Variants in SUGCT observed in about 807,000 individuals in gnomAD.
SUGCT encodes the protein succinyl-CoA:glutarate CoA-transferase.
In SUGCT, 41 loss-of-function variants were observed where a neutral mutation model predicts 55.0. The ratio of observed to expected loss-of-function variants is 0.74; its 90% CI spans 0.58 to 0.97. The LOEUF (loss-of-function observed/expected upper bound fraction) is 0.97. SUGCT is among the 50% of genes least tolerant of loss of function. The pLI is 0.00. For missense variants in SUGCT, 568 were observed against 547.8 expected, an observed-to-expected ratio of 1.04 and a Z score of -0.37; for synonymous variants, 187 against 200.4, an observed-to-expected ratio of 0.93 and a Z score of 0.56.
Position 40,348,699 on chromosome 7 carries a change from CCTTTT to C in SUGCT, c.816+31848_816+31852del, listed in dbSNP as rs560957168. 2.4e-3 allele frequency among the ~76,000 whole-genome samples: 372 copies of C among 152,228 alleles called. 1 individual carries two copies. Among genetic ancestry groups the C allele is most frequent in the African/African-American group, 8.1e-3 (335 of 41,532 alleles). ...ATGCCTCATCAATGTTATTTTTGCT[CCTTTT>C]CTTCTTCCTCATTCTGGAAGAAGTT... On this transcript the variant is annotated intron_variant, in intron 9 of 13. Transcript: ENST00000335693.
chr7:40,600,619 A>G (rs950159777), intron 12 of SUGCT, among the ~76,000 whole-genome samples: 3 of 152,086 alleles, frequency 2.0e-5, no homozygotes, highest in African/African-American at 7.2e-5. Flanking sequence ...AGCCTCAAAT[A>G]CCTTTGGGAA....
At chr7:40,498,771 C>T (rs903813717) in intron 12 of SUGCT, among the ~76,000 whole-genome samples, 1 of 152,110 alleles carries the variant, frequency 6.6e-6, no homozygotes, top group Admixed American at 6.5e-5. Flanking sequence ...TGATGGTGCC[C>T]TTTAAGGTTA....
chr7:40,643,453 G>C (rs918685839), intron 12 of SUGCT, among the ~76,000 whole-genome samples: 2 of 152,174 alleles, frequency 1.3e-5, no homozygotes, highest in African/African-American at 4.8e-5. Flanking sequence ...GTTGCTTTTG[G>C]ATGGTGCTAG....
chr7:40,177,166 A>G (rs981307089), intron 1 of SUGCT, among the ~76,000 whole-genome samples: 9 of 152,002 alleles, frequency 5.9e-5, no homozygotes, highest in Admixed American at 3.3e-4. Flanking sequence ...CCCACAACCT[A>G]ATTTAGTAGG....
intron 12 of SUGCT, among the ~76,000 whole-genome samples, chr7:40,721,944 G>A (rs572468698): frequency 5.9e-5 from 9 of 152,114 alleles, no homozygotes; most frequent in South Asian, 4.1e-4. Flanking sequence ...GGAGATTTTC[G>A]TATTGCATCC....
rs2150730864 is a variant in SUGCT at position 40,188,498 on chromosome 7, C to A, written c.230C>A (p.Ala77Asp). 6.4e-7 allele frequency: 1 copy of A among 1,574,392 alleles called. No homozygotes were observed. The highest frequency in any genetic ancestry group is 8.7e-7 in the Non-Finnish European group (1 of 1,152,536). The change falls in exon 4 of 14, where the codon GCT becomes GAT. Residue 77 changes from alanine (A) to aspartate (D), a missense_variant. Ala to Asp is a moderately radical substitution (Grantham distance 126). Transcript: ENST00000335693. ...TAGCTCATGTTATTATTTTCAGGAG[C>A]TGGTGATGATACACGAACTTGGGGG... ...AEVIKVERPGAGDDTRTWGPP... is the reference protein window; with the variant it reads ...AEVIKVERPGDGDDTRTWGPP...
At chr7:40,642,168 G>A (rs1403147688) in intron 12 of SUGCT, among the ~76,000 whole-genome samples, 1 of 152,208 alleles carries the variant, frequency 6.6e-6, no homozygotes, top group African/African-American at 2.4e-5. Flanking sequence ...GCTTTTTAAA[G>A]CATGCACATG....
intron 8 of SUGCT, among the ~76,000 whole-genome samples, chr7:40,280,811 GTAA>G (rs1348575286): frequency 6.6e-6 from 1 of 152,060 alleles, no homozygotes; most frequent in East Asian, 1.9e-4. Flanking sequence ...AATGATTTTA[GTAA>G]GTTTAGTGGG....
At chr7:40,932,548 T>C in the SUGCT span, among the ~76,000 whole-genome samples, 6 of 151,210 alleles carry the variant, frequency 4.0e-5, no homozygotes, top group African/African-American at 1.5e-4. Context: ...ATTATTATTG[T>C]GTGGGAGTCT....
chr7:40,423,535 A>C (rs1456746227), intron 9 of SUGCT, among the ~76,000 whole-genome samples: 2 of 152,012 alleles, frequency 1.3e-5, no homozygotes, highest in African/African-American at 4.8e-5. Context: ...GTTGCTTTCC[A>C]TTTCTTTTCA....
chr7:40,180,597 C>A (rs112722405), intron 1 of SUGCT, among the ~76,000 whole-genome samples: 1 of 151,776 alleles, frequency 6.6e-6, no homozygotes, highest in Non-Finnish European at 1.5e-5. Flanking sequence ...TCAAGTGATT[C>A]TCCTGCCTCA....
intron 12 of SUGCT, chr7:40,498,872 T>C (rs1792126340): frequency 2.8e-6 from 1 of 352,442 alleles, no homozygotes; most frequent in African/African-American, 2.1e-5. Context: ...TAAGTTAAGC[T>C]TGCACTCTAC....
intron 12 of SUGCT, among the ~76,000 whole-genome samples, chr7:40,585,444 C>T (rs1797324048): frequency 6.6e-6 from 1 of 152,182 alleles, no homozygotes; most frequent in Middle Eastern, 3.2e-3. Context: ...TTCCTTGAGA[C>T]ACCTTTAGCT....
At chr7:40,657,759 C>T (rs1801101717) in intron 12 of SUGCT, among the ~76,000 whole-genome samples, 2 of 152,354 alleles carry the variant, frequency 1.3e-5, no homozygotes, top group Admixed American at 6.5e-5. Flanking sequence ...TGATCTTGAT[C>T]TCCTGACCTC....
rs140647075 is a variant in SUGCT, at chr7:40,170,819, C to T, written c.101-10128C>T. Among the ~76,000 whole-genome samples, 27 of 152,132 alleles carry T rather than the reference C, an allele frequency of 1.8e-4. No homozygotes were observed. In the East Asian group the frequency reaches 3.9e-3, roughly 22 times the overall value. ...TAACCACCCATGGACCTCTGCTTATCGGAATAGTTAACGCTTACTGATGTA... is the reference window on the plus strand; with the variant it reads ...TAACCACCCATGGACCTCTGCTTATTGGAATAGTTAACGCTTACTGATGTA... On this transcript the variant is annotated intron_variant, in intron 1 of 13. Coordinates refer to ENST00000335693, the MANE Select transcript of SUGCT (RefSeq NM_001193313.2).
At chr7:40,649,189 AT>A (rs565111362) in intron 12 of SUGCT, among the ~76,000 whole-genome samples, 85 of 151,858 alleles carry the variant, frequency 5.6e-4, no homozygotes, top group Non-Finnish European at 8.7e-4. Flanking sequence ...TTTTCAAAAT[AT>A]TTTTTTTCCT....
chr7:40,682,667 G>T (rs1784305079), intron 12 of SUGCT, among the ~76,000 whole-genome samples: 1 of 151,676 alleles, frequency 6.6e-6, no homozygotes, highest in Non-Finnish European at 1.5e-5. Context: ...AAAACACTTT[G>T]TTTTTTTTCT....
At chr7:40,272,187 T>TAC (rs1430683747) in intron 7 of SUGCT, among the ~76,000 whole-genome samples, 26 of 62,018 alleles carry the variant, frequency 4.2e-4, no homozygotes, top group Admixed American at 8.7e-4. Flanking sequence ...TATATATATA[T>TAC]ATATATACAG....
chr7:40,267,959 A>C (rs1239403102), intron 7 of SUGCT, among the ~76,000 whole-genome samples: 1 of 152,162 alleles, frequency 6.6e-6, no homozygotes, highest in East Asian at 1.9e-4. Flanking sequence ...GAAATAAAAC[A>C]ATAGCCTTGA....
Sources: allele counts gnomAD v4.1 joint callset (sites outside exome capture counted in the v4.1 genomes callset), GRCh38; gene constraint gnomAD v4.1.1; transcripts MANE v1.5; gene names NCBI Gene and HGNC (gene_info 2026-07-23, HGNC 2026-07-21).